Variants in CDC42SE2 observed in about 807,000 individuals in gnomAD.
CDC42SE2 encodes CDC42 small effector 2.
In CDC42SE2, 3 loss-of-function variants were observed where a neutral mutation model predicts 11.5. The observed-to-expected ratio is 0.26, with a 90% CI of 0.12 to 0.67. The LOEUF (loss-of-function observed/expected upper bound fraction) is 0.67, where lower values mean the gene tolerates loss of function less well. Among genes scored for constraint, CDC42SE2 ranks in the 30% least tolerant of loss-of-function variants. CDC42SE2 has a pLI of 0.80. For missense variants in CDC42SE2, 82 were observed against 106.8 expected, an observed-to-expected ratio of 0.77 and a Z score of 1.02; for synonymous variants, 33 against 34.8, an observed-to-expected ratio of 0.95 and a Z score of 0.18.
intron 2 of CDC42SE2, among the ~76,000 whole-genome samples, chr5:131,323,843 T>C (rs1477328834): frequency 6.6e-6 from 1 of 152,176 alleles, no homozygotes; most frequent in African/African-American, 2.4e-5. Flanking sequence ...GTGTTAACTT[T>C]TCTCACAAGA....
At chr5:131,347,093 G>C (rs10463514) in intron 2 of CDC42SE2, among the ~76,000 whole-genome samples, 7,252 of 152,118 alleles carry the variant, frequency 0.048, 511 homozygotes, top group East Asian at 0.19. Context: ...AAGAACTAGA[G>C]AAGCAAGAGC....
intron 1 of CDC42SE2, among the ~76,000 whole-genome samples, chr5:131,308,812 T>C (rs374082760): frequency 1.3e-5 from 2 of 152,094 alleles, no homozygotes; most frequent in East Asian, 1.9e-4. Flanking sequence ...TGAGACTTTG[T>C]TGAAGTTGCT....
At chr5:131,327,977 CCAAGAT>C (rs1352880403) in intron 2 of CDC42SE2, among the ~76,000 whole-genome samples, 1 of 152,048 alleles carries the variant, frequency 6.6e-6, no homozygotes, top group African/African-American at 2.4e-5. Flanking sequence ...GCTGGGAAGT[CCAAGAT>C]CAACGGGCCA....
At chr5:131,351,822 G>A (rs1383238936) in intron 2 of CDC42SE2, among the ~76,000 whole-genome samples, 1 of 152,168 alleles carries the variant, frequency 6.6e-6, no homozygotes, top group Non-Finnish European at 1.5e-5. Flanking sequence ...TAAAACTTAT[G>A]CATAAGACAT....
the CDC42SE2 span, among the ~76,000 whole-genome samples, chr5:131,221,397 C>T: frequency 6.6e-6 from 1 of 151,860 alleles, no homozygotes; most frequent in South Asian, 2.1e-4. Flanking sequence ...CCAGGGAAGC[C>T]AAAAGATTGG....
At chr5:131,271,953 TC>T (rs1255358509) in intron 1 of CDC42SE2, among the ~76,000 whole-genome samples, 2 of 152,108 alleles carry the variant, frequency 1.3e-5, no homozygotes, top group African/African-American at 4.8e-5. Context: ...CCCTTTAAAT[TC>T]ATGACCACTG....
chr5:131,327,323 C>G (rs974444801), intron 2 of CDC42SE2, among the ~76,000 whole-genome samples: 1 of 152,202 alleles, frequency 6.6e-6, no homozygotes, highest in African/African-American at 2.4e-5. Flanking sequence ...GACTCCCCAT[C>G]CCCAGTGAGT....
rs920933584 is a variant in CDC42SE2, at chr5:131,349,790, A to T, written c.-285-9419A>T. Reference sequence around the variant, plus strand: ...AAATAGAGCAGGAGATAAAATTAGGAATAATTCAAATGCATATGCAGTTAT... The same window carrying T: ...AAATAGAGCAGGAGATAAAATTAGGTATAATTCAAATGCATATGCAGTTAT... On this transcript the variant is annotated intron_variant, in intron 2 of 4. Transcript: ENST00000505065. 6.0e-4 allele frequency among the ~76,000 whole-genome samples: 92 copies of T among 152,348 alleles called. 1 individual carries two copies. Among genetic ancestry groups the T allele is most frequent in the African/African-American group, 2.0e-3 (84 of 41,584 alleles).
At chr5:131,244,508 C>T (rs186550239), upstream of CDC42SE2, among the ~76,000 whole-genome samples, 7 of 152,288 alleles carry the variant, frequency 4.6e-5, no homozygotes, top group East Asian at 1.9e-4. Context: ...GCCAGGAGTT[C>T]GAGACCAGCC....
rs377025780 is a variant in CDC42SE2 at position 131,326,841 on chromosome 5, C to G, written c.-286+10697C>G. The stretch of plus-strand genomic sequence containing the variant: ...TGTTGGCTAGGCTGGTCTTGAACTC[C>G]TGGACTCAATCATTCTGCCTTGGCC... On this transcript the variant is annotated intron_variant, in intron 2 of 4. Coordinates refer to ENST00000505065, the MANE Select transcript of CDC42SE2 (RefSeq NM_001375635.1). 1.1e-4 allele frequency among the ~76,000 whole-genome samples: 17 copies of G among 152,102 alleles called. No homozygotes were observed. In the East Asian group the frequency reaches 1.9e-3, roughly 17 times the overall value.
At chr5:131,328,426 A>G (rs1758342156) in intron 2 of CDC42SE2, among the ~76,000 whole-genome samples, 1 of 151,050 alleles carries the variant, frequency 6.6e-6, no homozygotes, top group African/African-American at 2.4e-5. Flanking sequence ...CACTTCTTTT[A>G]TCTTTAATTC....
At chr5:131,334,778 G>T (rs1292743341) in intron 2 of CDC42SE2, among the ~76,000 whole-genome samples, 4 of 152,114 alleles carry the variant, frequency 2.6e-5, no homozygotes, top group Non-Finnish European at 5.9e-5. Flanking sequence ...ATTCTCTGAT[G>T]GTAGTTTGTA....
intron 1 of CDC42SE2, among the ~76,000 whole-genome samples, chr5:131,286,397 T>TG (rs934938708): frequency 2.0e-5 from 3 of 149,464 alleles, no homozygotes; most frequent in Non-Finnish European, 3.0e-5. Flanking sequence ...TTTTTTTTTT[T>TG]TTTTTTTTTT....
chr5:131,231,948 C>A, the CDC42SE2 span, among the ~76,000 whole-genome samples: 1 of 151,892 alleles, frequency 6.6e-6, no homozygotes, highest in Admixed American at 6.6e-5. Flanking sequence ...CGCACCATGA[C>A]CCCTGGCTAA....
chr5:131,387,417 A>G (rs1750519760), intron 4 of CDC42SE2, among the ~76,000 whole-genome samples: 1 of 151,992 alleles, frequency 6.6e-6, no homozygotes. Flanking sequence ...TGAGTGAAGT[A>G]ATGTGCACCT....
the CDC42SE2 span, among the ~76,000 whole-genome samples, chr5:131,220,309 G>A: frequency 3.3e-5 from 5 of 152,004 alleles, no homozygotes; most frequent in African/African-American, 1.2e-4. Flanking sequence ...CGGTTCAAGC[G>A]ATTCTCCTGC....
chr5:131,278,213 C>T (rs767697298), intron 1 of CDC42SE2, among the ~76,000 whole-genome samples: 5 of 152,048 alleles, frequency 3.3e-5, no homozygotes, highest in Non-Finnish European at 4.4e-5. Flanking sequence ...AGAATGTGAT[C>T]CACATTTGGG....
chr5:131,275,221 T>G (rs1337154989), intron 1 of CDC42SE2, among the ~76,000 whole-genome samples: 2 of 152,058 alleles, frequency 1.3e-5, no homozygotes, highest in Non-Finnish European at 2.9e-5. Context: ...TATTTTTTTT[T>G]AAAGTGATGT....
chr5:131,312,249 G>A (rs973022396), intron 1 of CDC42SE2, among the ~76,000 whole-genome samples: 3 of 152,030 alleles, frequency 2.0e-5, no homozygotes, highest in Admixed American at 2.0e-4. Flanking sequence ...TCCCAGTTAG[G>A]CTTCTCGGGG....
Sources: allele counts gnomAD v4.1 joint callset (sites outside exome capture counted in the v4.1 genomes callset), GRCh38; gene constraint gnomAD v4.1.1; transcripts MANE v1.5; gene names NCBI Gene and HGNC (gene_info 2026-07-23, HGNC 2026-07-21).